NLRC5: variants seen among roughly 807,000 people sequenced by gnomAD.
NLRC5 encodes the protein protein NLRC5.
A neutral mutation model predicts 206.9 loss-of-function variants in NLRC5; 114 were observed. The observed-to-expected ratio is 0.55, with a 90% confidence interval of 0.47 to 0.64. The LOEUF (loss-of-function observed/expected upper bound fraction) is 0.64. Ranked by LOEUF, NLRC5 falls within the 30% of genes least tolerant of loss-of-function variation. NLRC5 has a pLI of 0.00. For synonymous variants in NLRC5, 952 were observed against 962.8 expected (o/e 0.99, Z 0.21); for missense variants, 2,008 against 2,305.5 (o/e 0.87, Z 2.64).
intron 10 of NLRC5, among the ~76,000 whole-genome samples, chr16:57,030,424 A>C (rs1567564002): frequency 1.6e-5 from 2 of 125,392 alleles, no homozygotes; most frequent in African/African-American, 6.0e-5. Context: ...GAAAAGATGG[A>C]TGGGTGGATG....
chr16:57,077,677 G>A (rs2068571937), intron 41 of NLRC5, 42 bp from the exon 42 acceptor site: 1 of 1,526,686 alleles, frequency 6.6e-7, no homozygotes, highest in Non-Finnish European at 8.8e-7. Flanking sequence ...GTGTCGGGGA[G>A]AGGGGGCATC....
chr16:57,081,221 G>A (rs775400027), intron 47 of NLRC5, 40 bp downstream of exon 47: 4 of 1,522,454 alleles, frequency 2.6e-6, no homozygotes, highest in Non-Finnish European at 3.5e-6. Flanking sequence ...GGCTAAAGGG[G>A]GACCTACATC....
At chr16:57,074,373 T>C (rs1462351158) in intron 38 of NLRC5, 7 of 467,912 alleles carry the variant, frequency 1.5e-5, no homozygotes, top group South Asian at 7.9e-5. Flanking sequence ...TCTTGGTCCA[T>C]GTGGTTCAGA....
rs192775816 is a variant in NLRC5 at position 57,051,464 on chromosome 16, C to T, written c.3423-74C>T. 2.3e-4 allele frequency: 250 copies of T among 1,090,298 alleles called. No individual in the cohort carries two copies. The African/African-American group carries it at 3.5e-3, about 15-fold the overall frequency. 67.5% of individuals were successfully genotyped at this position (1,090,298 alleles called of 1,614,324 possible). On this transcript the variant is annotated intron_variant, in intron 23 of 48. Transcript: ENST00000688547. Reference sequence around the variant, plus strand: ...CTGGTTAGGTCCCATCTCCAGAAGGCTCTGGCTATGAGGCCGTGCTCCCTG... The same window carrying T: ...CTGGTTAGGTCCCATCTCCAGAAGGTTCTGGCTATGAGGCCGTGCTCCCTG...
chr16:57,041,434 C>A lies in NLRC5; in HGVS notation c.2940-51C>A, dbSNP rs762487195. ...CTGGGGGGTGGGAAAGCGGCTCCTT[C>A]CCGCCTCTGTTCAGTGGGGCATGCA... On this transcript the variant is annotated intron_variant, in intron 17 of 48. Transcript: ENST00000688547. 3.3e-6 allele frequency: 5 copies of A among 1,534,004 alleles called. No individual in the cohort carries two copies. The South Asian group carries it at 4.5e-5, about 14-fold the overall frequency.
intron 46 of NLRC5, 25 bp downstream of exon 46, chr16:57,079,654 C>G (rs2068880329): frequency 2.5e-6 from 4 of 1,608,238 alleles, no homozygotes; most frequent in Non-Finnish European, 3.4e-6. Flanking sequence ...GAGCCCTGAG[C>G]TGGCTGGGAA....
At chr16:57,080,103 A>G (rs12598418) in intron 46 of NLRC5, among the ~76,000 whole-genome samples, 27,069 of 152,136 alleles carry the variant, frequency 0.18, 2,821 homozygotes, top group East Asian at 0.35. Flanking sequence ...GGGGCTTTGC[A>G]GTGCTGCCTC....
At chr16:57,061,127 C>T (rs2066421579) in intron 30 of NLRC5, among the ~76,000 whole-genome samples, 1 of 152,254 alleles carries the variant, frequency 6.6e-6, no homozygotes, top group Non-Finnish European at 1.5e-5. Flanking sequence ...CTAATTGGTG[C>T]TATGAGAATT....
At chr16:57,081,222 G>C (rs201239762) in intron 47 of NLRC5, 41 bp downstream of exon 47, 20 of 1,522,200 alleles carry the variant, frequency 1.3e-5, no homozygotes, top group Non-Finnish European at 1.8e-5. Context: ...GCTAAAGGGG[G>C]ACCTACATCC....
At position 57,041,975 on chromosome 16, in the gene NLRC5, C is replaced by T. The variant is rs1307142919; in HGVS notation, c.3030-7C>T. 1 of 1,562,286 alleles carries T rather than the reference C, an allele frequency of 6.4e-7. No individual in the cohort carries two copies. On this transcript the variant is annotated splice_polypyrimidine_tract_variant and splice_region_variant and intron_variant, in intron 18 of 48. Coordinates refer to ENST00000688547, the MANE Select transcript of NLRC5 (RefSeq NM_001384950.1). The stretch of plus-strand genomic sequence containing the variant: ...AATGTTCTCCCCTCCCTTCTCCCCA[C>T]CCCCAGCTTCTCAGGCAATGCTCTG...
chr16:57,006,572 C>T (rs1317106773), intron 1 of NLRC5, among the ~76,000 whole-genome samples: 2 of 151,928 alleles, frequency 1.3e-5, no homozygotes, highest in African/African-American at 4.8e-5. Context: ...TTTTTGATGG[C>T]TGCAAAGAAT....
intron 7 of NLRC5, 39 bp from the exon 8 acceptor site, chr16:57,028,263 C>T: frequency 6.3e-7 from 1 of 1,598,674 alleles, no homozygotes; most frequent in Non-Finnish European, 8.6e-7. Context: ...GCCCTTTTCC[C>T]CTCCTCGTTC....
At chr16:57,055,395 C>T (rs375355016) in intron 26 of NLRC5, 38 bp from the exon 27 acceptor site, 134 of 1,596,120 alleles carry the variant, frequency 8.4e-5, no homozygotes, top group South Asian at 3.8e-4. Flanking sequence ...AGTGGCCAAA[C>T]GCCCCATCCC....
intron 30 of NLRC5, among the ~76,000 whole-genome samples, chr16:57,061,009 A>G (rs1277985639): frequency 6.6e-6 from 1 of 152,234 alleles, no homozygotes; most frequent in East Asian, 1.9e-4. Context: ...AGAGTAAGGC[A>G]GTGGTTAAGA....
At chr16:57,070,354 G>A (rs1486433013) in intron 37 of NLRC5, among the ~76,000 whole-genome samples, 181 bp from the exon 38 acceptor site, 1 of 152,116 alleles carries the variant, frequency 6.6e-6, no homozygotes, top group African/African-American at 2.4e-5. Flanking sequence ...TGCCTACCCA[G>A]AGCCTGAGCC....
At position 57,049,732 on chromosome 16, in the gene NLRC5, TCAAATAAATAAA is replaced by T. The variant is rs569391543; in HGVS notation, c.3423-1805_3423-1794del. Among the ~76,000 whole-genome samples the T allele has an allele frequency of 9.4e-3, 1,347 of 143,432 alleles. 17 individuals are homozygous for T. Among genetic ancestry groups the T allele is most frequent in the African/African-American group, 0.033 (1,286 of 38,440 alleles). The allele number at this position is 143,432 out of a possible 152,430, so 94.1% of individuals were successfully genotyped here. On this transcript the variant is annotated intron_variant, in intron 23 of 48. Coordinates refer to ENST00000688547, the MANE Select transcript of NLRC5 (RefSeq NM_001384950.1). ...CTGGGCAACAGAGCAAGACTCTGTC[TCAAATAAATAAA>T]TAAATAAATAAATAAATAAATAAAT... is the stretch of plus-strand genomic sequence containing the variant.
At chr16:57,001,643 A>G (rs1272047095) in intron 1 of NLRC5, among the ~76,000 whole-genome samples, 1 of 152,112 alleles carries the variant, frequency 6.6e-6, no homozygotes, top group Admixed American at 6.6e-5. Flanking sequence ...GTAGGTGTAT[A>G]TATTTATGGG....
At chr16:57,075,157 C>T (rs1002251104) in intron 39 of NLRC5, among the ~76,000 whole-genome samples, 3 of 151,940 alleles carry the variant, frequency 2.0e-5, no homozygotes, top group African/African-American at 7.3e-5. Flanking sequence ...CCTCCTGCCT[C>T]ACCCTCCTAA....
At chr16:57,010,031 G>C (rs149784519) in intron 1 of NLRC5, among the ~76,000 whole-genome samples, 1 of 152,296 alleles carries the variant, frequency 6.6e-6, no homozygotes, top group East Asian at 1.9e-4. Flanking sequence ...ATTCTGGAAT[G>C]CACTTGGAAA....
Sources: gnomAD v4.1 joint callset for allele counts (sites outside exome capture counted in the v4.1 genomes callset) on GRCh38, gnomAD v4.1.1 for gene constraint, MANE v1.5 for transcripts, NCBI Gene and HGNC (gene_info 2026-07-23, HGNC 2026-07-21) for gene names.